The following HAUS8 variants were observed in gnomAD, a reference collection of about 807,000 sequenced individuals.
HAUS8 encodes the protein HAUS augmin-like complex subunit 8.
HAUS8 carries 38 observed loss-of-function variants against 42.9 expected under a neutral mutation model. The observed-to-expected ratio is 0.89, with a 90% confidence interval of 0.68 to 1.16. HAUS8 has a LOEUF of 1.16. HAUS8 is among the 50% of genes most tolerant of loss of function. The pLI is 0.00. For missense variants in HAUS8, 494 were observed against 511.6 expected, an observed-to-expected ratio of 0.97 and a Z score of 0.33; for synonymous variants, 199 against 205.8, an observed-to-expected ratio of 0.97 and a Z score of 0.28.
intron 1 of HAUS8, chr19:17,074,849 G>C (rs73518815): frequency 0.023 from 3,565 of 153,402 alleles, 161 homozygotes; most frequent in African/African-American, 0.082. Flanking sequence ...CCTAGCTCTC[G>C]GTCAGTATTC....
chr19:17,055,967 T>G lies in HAUS8; in HGVS notation c.681A>C (p.Thr227=). ...ATGTCCTGTATTGCTCCTTGAAGCG[T>G]GTGGCCACTGCCTCGAAGGGGCTGA... ...EMLSPFEAVA[T]RFKEQYRTFA... is the part of the protein sequence containing the mutation. Residue 227 remains threonine, a synonymous_variant, in exon 9 of 11, where the codon ACA becomes ACC. Transcript: ENST00000253669. 6.2e-7 allele frequency: 1 copy of G among 1,614,154 alleles called. No homozygotes were observed. The highest frequency in any genetic ancestry group is 8.5e-7 in the Non-Finnish European group (1 of 1,180,014).
At chr19:17,071,650 G>A (rs936428076) in intron 2 of HAUS8, among the ~76,000 whole-genome samples, 1 of 152,154 alleles carries the variant, frequency 6.6e-6, no homozygotes, top group Non-Finnish European at 1.5e-5. Flanking sequence ...CTTGGACGGT[G>A]GGGAAACAAA....
intron 9 of HAUS8, among the ~76,000 whole-genome samples, chr19:17,055,497 C>T (rs77491415): frequency 0.11 from 17,314 of 151,836 alleles, 1,169 homozygotes; most frequent in Non-Finnish European, 0.13. Context: ...AACCCTATGC[C>T]TGAAAGGGAC....
chr19:17,069,157 G>A (rs1258532308), intron 2 of HAUS8, 71 bp from the exon 3 acceptor site: 7 of 1,396,638 alleles, frequency 5.0e-6, no homozygotes, highest in Admixed American at 3.7e-5. Flanking sequence ...CAGACCCCAC[G>A]CCCCGGAGAC....
intron 9 of HAUS8, chr19:17,053,638 A>G (rs2057301758): frequency 6.6e-6 from 1 of 151,268 alleles, no homozygotes; most frequent in African/African-American, 2.4e-5. Flanking sequence ...TTGTGTCCTC[A>G]TCGGATGCGG....
intron 9 of HAUS8, 127 bp from the exon 10 acceptor site, chr19:17,053,093 C>T: frequency 9.1e-6 from 10 of 1,103,384 alleles, no homozygotes; most frequent in Middle Eastern, 2.9e-4. Context: ...GGAGAGCGCA[C>T]AGGGAAGAAG....
chr19:17,068,518 A>G (rs2057401395), intron 3 of HAUS8, among the ~76,000 whole-genome samples: 1 of 152,166 alleles, frequency 6.6e-6, no homozygotes, highest in Non-Finnish European at 1.5e-5. Context: ...TGTAATCCCA[A>G]CATTTTGGGA....
chr19:17,054,989 A>G (rs2057310889), intron 9 of HAUS8: 1 of 149,176 alleles, frequency 6.7e-6, no homozygotes, highest in African/African-American at 2.5e-5. Flanking sequence ...AAAAAAAAGA[A>G]CAATGGCAGG....
intron 6 of HAUS8, 117 bp from the exon 7 acceptor site, chr19:17,058,993 G>C: frequency 1.3e-6 from 1 of 790,720 alleles, no homozygotes; most frequent in Non-Finnish European, 2.0e-6. Context: ...TTTGATATTC[G>C]GTAGTTCTCT....
Position 17,059,790 on chromosome 19 carries a change from G to A in HAUS8, c.326-139C>T, listed in dbSNP as rs2057349169. Reference sequence around the variant, plus strand: ...GAGTATATGGACTTATAACAGTCCAGTTAAAGTTGTTCAACTTTGCAAGGG... The same window carrying A: ...GAGTATATGGACTTATAACAGTCCAATTAAAGTTGTTCAACTTTGCAAGGG... On this transcript the variant is annotated intron_variant, in intron 5 of 10. Coordinates refer to ENST00000253669, the MANE Select transcript of HAUS8 (RefSeq NM_033417.2). 10 of 687,096 alleles carry A rather than the reference G, an allele frequency of 1.5e-5. No homozygotes were observed. In the South Asian group the frequency reaches 1.8e-4, roughly 13 times the overall value. The allele number at this position is 687,096 out of a possible 1,614,324, so 42.6% of individuals were successfully genotyped here.
At chr19:17,060,184 A>G (rs1400208150) in intron 4 of HAUS8, 92 bp from the exon 5 acceptor site, 2 of 671,916 alleles carry the variant, frequency 3.0e-6, no homozygotes, top group Non-Finnish European at 4.9e-6. Context: ...GAACAATACC[A>G]CTTGCTTCTA....
chr19:17,068,085 T>G (rs1049223502), intron 3 of HAUS8, among the ~76,000 whole-genome samples: 14 of 151,420 alleles, frequency 9.2e-5, no homozygotes, highest in Non-Finnish European at 1.8e-4. Context: ...AAAAACCTGT[T>G]TTTTTATTTT....
chr19:17,058,471 G>T (rs781347143), intron 8 of HAUS8, 78 bp downstream of exon 8: 2 of 1,387,526 alleles, frequency 1.4e-6, no homozygotes, highest in South Asian at 1.4e-5. Context: ...ACCCTAGCAC[G>T]AATGCTACCG....
intron 8 of HAUS8, among the ~76,000 whole-genome samples, chr19:17,056,400 T>C (rs2057326927): frequency 6.6e-6 from 1 of 152,214 alleles, no homozygotes; most frequent in South Asian, 2.1e-4. Context: ...CACGGGAGTT[T>C]GGGGCATCAA....
At chr19:17,051,727 G>A (rs903875295) in intron 10 of HAUS8, 1 of 149,580 alleles carries the variant, frequency 6.7e-6, no homozygotes, top group African/African-American at 2.5e-5. Context: ...TAATGCAGTG[G>A]CACGACCACA....
At chr19:17,065,312 C>T (rs1034800336) in intron 3 of HAUS8, among the ~76,000 whole-genome samples, 8 of 152,174 alleles carry the variant, frequency 5.3e-5, no homozygotes, top group African/African-American at 1.9e-4. Context: ...CTTGTAACTC[C>T]TATAAACCCT....
At chr19:17,063,397 C>T (rs1484011025) in intron 3 of HAUS8, among the ~76,000 whole-genome samples, 1 of 152,214 alleles carries the variant, frequency 6.6e-6, no homozygotes, top group Non-Finnish European at 1.5e-5. Context: ...CATTCAATAT[C>T]ACAGTGGAGG....
intron 3 of HAUS8, among the ~76,000 whole-genome samples, chr19:17,067,532 T>A (rs536997494): frequency 6.6e-6 from 1 of 152,148 alleles, no homozygotes; most frequent in African/African-American, 2.4e-5. Flanking sequence ...GCTGACTCCA[T>A]GTAAATGACA....
intron 3 of HAUS8, among the ~76,000 whole-genome samples, chr19:17,067,080 C>A (rs546378508): frequency 6.6e-6 from 1 of 151,978 alleles, no homozygotes; most frequent in African/African-American, 2.4e-5. Flanking sequence ...TGGCACACAC[C>A]TGTAATCCCA....
Sources: gnomAD v4.1 joint callset for allele counts (sites outside exome capture counted in the v4.1 genomes callset) on GRCh38, gnomAD v4.1.1 for gene constraint, MANE v1.5 for transcripts, NCBI Gene and HGNC (gene_info 2026-07-23, HGNC 2026-07-21) for gene names.